The following MAF variants were observed in gnomAD, a reference collection of about 807,000 sequenced individuals.
The protein encoded by MAF is transcription factor Maf.
A neutral mutation model predicts 22.0 loss-of-function variants in MAF; 10 were observed. The observed-to-expected ratio is 0.45, with a 90% CI of 0.28 to 0.77. MAF has a LOEUF of 0.77. MAF is among the 30% of genes least tolerant of loss of function. The probability of loss-of-function intolerance (pLI) is 0.12; values close to 1 mark genes in which losing one functional copy is unlikely to be tolerated. For synonymous variants in MAF, 337 were observed against 255.8 expected (o/e 1.32, Z -3.03); for missense variants, 544 against 548.4 (o/e 0.99, Z 0.08).
chr16:79,516,356 A>G, the MAF span: 3 of 152,312 alleles, frequency 2.0e-5, no homozygotes, highest in African/African-American at 7.2e-5. Context: ...CTTTAGCTCA[A>G]CTTCCCATGG....
the MAF span, among the ~76,000 whole-genome samples, chr16:79,380,466 T>C: frequency 6.6e-5 from 10 of 152,250 alleles, no homozygotes; most frequent in Admixed American, 5.2e-4. Context: ...GAGGTATTAT[T>C]ATCTTTATTT....
At chr16:79,224,806 G>A in the MAF span, among the ~76,000 whole-genome samples, 1 of 152,134 alleles carries the variant, frequency 6.6e-6, no homozygotes, top group African/African-American at 2.4e-5. Flanking sequence ...ACTTACAAGG[G>A]ATTATGAAAG....
the MAF span, among the ~76,000 whole-genome samples, chr16:79,357,404 T>C: frequency 3.2e-4 from 48 of 152,096 alleles, no homozygotes; most frequent in African/African-American, 1.0e-3. Flanking sequence ...GAGCCAACAG[T>C]TGGGGCAACA....
At chr16:79,405,379 G>T in the MAF span, among the ~76,000 whole-genome samples, 1 of 152,178 alleles carries the variant, frequency 6.6e-6, no homozygotes, top group East Asian at 1.9e-4. Flanking sequence ...TCTAAGAAAT[G>T]AAGGACTCCC....
chr16:79,230,881 G>A, the MAF span, among the ~76,000 whole-genome samples: 10 of 151,960 alleles, frequency 6.6e-5, no homozygotes, highest in African/African-American at 1.4e-4. Context: ...TCTGCTTCCC[G>A]CTCAGTAATT....
At chr16:79,510,465 G>C in the MAF span, among the ~76,000 whole-genome samples, 1 of 152,164 alleles carries the variant, frequency 6.6e-6, no homozygotes, top group East Asian at 1.9e-4. Context: ...TGCTTCTTTC[G>C]AGATGTTCTG....
At chr16:79,353,948 G>C in the MAF span, among the ~76,000 whole-genome samples, 1 of 152,050 alleles carries the variant, frequency 6.6e-6, no homozygotes, top group Non-Finnish European at 1.5e-5. Flanking sequence ...TGGTCTTCAT[G>C]GAGACCAGAG....
the MAF span, chr16:79,205,975 C>A: frequency 6.6e-6 from 1 of 152,148 alleles, no homozygotes; most frequent in African/African-American, 2.4e-5. Context: ...TTTCTTAGTT[C>A]TGCAAATCTG....
the MAF span, among the ~76,000 whole-genome samples, chr16:79,457,811 A>T: frequency 3.9e-5 from 6 of 152,122 alleles, no homozygotes; most frequent in East Asian, 1.2e-3. Flanking sequence ...ATCTTTCATC[A>T]GGACCTGAAA....
the MAF span, among the ~76,000 whole-genome samples, chr16:79,300,764 A>G: frequency 6.6e-6 from 1 of 151,606 alleles, no homozygotes; most frequent in Non-Finnish European, 1.5e-5. Context: ...TATGTTATCT[A>G]TGTGTGTATA....
the MAF span, among the ~76,000 whole-genome samples, chr16:79,350,604 C>T: frequency 1.3e-5 from 2 of 152,146 alleles, no homozygotes; most frequent in African/African-American, 4.8e-5. Flanking sequence ...GAAAAACCTC[C>T]CGCTGCTTTT....
the MAF span, among the ~76,000 whole-genome samples, chr16:79,211,062 A>C: frequency 6.3e-5 from 3 of 47,796 alleles, no homozygotes; most frequent in East Asian, 3.8e-4. Context: ...TGTGTGCATT[A>C]AATGTTTTAA....
chr16:79,374,259 G>C, the MAF span, among the ~76,000 whole-genome samples: 7 of 152,104 alleles, frequency 4.6e-5, no homozygotes, highest in Non-Finnish European at 8.8e-5. Context: ...TGGAATTAAT[G>C]GTGCCATTTT....
chr16:79,309,208 T>C, the MAF span, among the ~76,000 whole-genome samples: 3 of 152,202 alleles, frequency 2.0e-5, no homozygotes, highest in Middle Eastern at 3.4e-3. Context: ...GATGGTGTAA[T>C]GGTAGGGAGT....
At chr16:79,478,700 A>G in the MAF span, among the ~76,000 whole-genome samples, 2 of 152,204 alleles carry the variant, frequency 1.3e-5, no homozygotes, top group African/African-American at 2.4e-5. Flanking sequence ...GTAGCATCCC[A>G]GGGTTCATTC....
the MAF span, among the ~76,000 whole-genome samples, chr16:79,234,942 C>A: frequency 6.6e-6 from 1 of 152,096 alleles, no homozygotes; most frequent in South Asian, 2.1e-4. Context: ...TGCCATTCAC[C>A]ATGAGAGAAA....
At chr16:79,489,635 C>T in the MAF span, among the ~76,000 whole-genome samples, 8 of 152,258 alleles carry the variant, frequency 5.3e-5, no homozygotes, top group Admixed American at 4.6e-4. Context: ...GAGAGGAGAT[C>T]CAGAGAGAAA....
chr16:79,335,153 C>G, the MAF span, among the ~76,000 whole-genome samples: 51 of 149,508 alleles, frequency 3.4e-4, no homozygotes, highest in African/African-American at 1.2e-3. Flanking sequence ...CCACTGCACT[C>G]CAGCCTGGCG....
At chr16:79,477,241 C>A in the MAF span, among the ~76,000 whole-genome samples, 2 of 152,302 alleles carry the variant, frequency 1.3e-5, no homozygotes, top group East Asian at 1.9e-4. Flanking sequence ...ACCACCAGAG[C>A]CTCTGTCATG....
Sources: gnomAD v4.1 joint callset for allele counts (sites outside exome capture counted in the v4.1 genomes callset) on GRCh38, gnomAD v4.1.1 for gene constraint, MANE v1.5 for transcripts, NCBI Gene and HGNC (gene_info 2026-07-23, HGNC 2026-07-21) for gene names.